RNLS: variants seen among roughly 807,000 people sequenced by gnomAD.
The protein encoded by RNLS is renalase, FAD dependent amine oxidase.
RNLS carries 39 observed loss-of-function variants against 39.8 expected under a neutral mutation model. That is an observed-to-expected ratio of 0.98 (90% confidence interval 0.76 to 1.28). The LOEUF is 1.28. Ranked by LOEUF, RNLS falls within the 50% of genes most tolerant of loss-of-function variation. The probability of loss-of-function intolerance (pLI) is 0.00; values close to 1 mark genes in which losing one functional copy is unlikely to be tolerated. For synonymous variants in RNLS, 147 were observed against 150.7 expected (o/e 0.98, Z 0.18); for missense variants, 410 against 413.3 (o/e 0.99, Z 0.07).
the RNLS span, among the ~76,000 whole-genome samples, chr10:88,206,349 G>T: frequency 1.3e-5 from 2 of 152,118 alleles, no homozygotes; most frequent in African/African-American, 4.8e-5. Context: ...GAGGGGCTAA[G>T]AACACTCTTT....
chr10:88,472,892 T>C (rs376830985), intron 4 of RNLS, among the ~76,000 whole-genome samples: 32 of 152,184 alleles, frequency 2.1e-4, no homozygotes, highest in African/African-American at 6.8e-4. Context: ...TAATTATGGG[T>C]CCCAGAAAAT....
At chr10:88,342,093 T>G (rs1023108891) in intron 5 of RNLS, among the ~76,000 whole-genome samples, 1 of 152,174 alleles carries the variant, frequency 6.6e-6, no homozygotes, top group African/African-American at 2.4e-5. Context: ...GAAAGTAAAG[T>G]GTATCAACCT....
rs1032197139 is a variant in RNLS at position 88,565,874 on chromosome 10, T to C, written c.526+7029A>G. ...AAGCGATTCTCCTGCCTCAGCCTCC[T>C]GAGTAGCTGGGACTACAGGCGCACT... On this transcript the variant is annotated intron_variant, in intron 4 of 6. Coordinates refer to ENST00000331772, the MANE Select transcript of RNLS (RefSeq NM_001031709.3). Among the ~76,000 whole-genome samples, 3 of 150,780 alleles carry C rather than the reference T, an allele frequency of 2.0e-5. No homozygotes were observed. In the South Asian group the frequency reaches 6.3e-4, roughly 32 times the overall value.
chr10:88,220,487 T>G, the RNLS span, among the ~76,000 whole-genome samples: 1 of 152,242 alleles, frequency 6.6e-6, no homozygotes, highest in African/African-American at 2.4e-5. Flanking sequence ...ACTTTATTAT[T>G]AAATGACATC....
chr10:88,537,647 C>CAA (rs201494971), intron 4 of RNLS, among the ~76,000 whole-genome samples: 1 of 151,296 alleles, frequency 6.6e-6, no homozygotes, highest in Non-Finnish European at 1.5e-5. Context: ...CAAAAACAGG[C>CAA]AAAAAAAACA....
In RNLS at chr10:88,396,659, T is replaced by A. The variant is rs1157104525; in HGVS notation, c.527-33934A>T. 2.0e-5 allele frequency among the ~76,000 whole-genome samples: 3 copies of A among 150,340 alleles called. No homozygotes were observed. The Admixed American group carries it at 2.0e-4, about 10-fold the overall frequency. Reference sequence around the variant, plus strand: ...ATCTTATCAGGAATTACATTAAATGTAAATTAATTAAACGCTGATTTAAGG... The same window carrying A: ...ATCTTATCAGGAATTACATTAAATGAAAATTAATTAAACGCTGATTTAAGG... On this transcript the variant is annotated intron_variant, in intron 4 of 6. Coordinates refer to ENST00000331772, the MANE Select transcript of RNLS (RefSeq NM_001031709.3).
At chr10:88,422,676 T>C (rs1199479002) in intron 4 of RNLS, among the ~76,000 whole-genome samples, 1 of 152,128 alleles carries the variant, frequency 6.6e-6, no homozygotes, top group Non-Finnish European at 1.5e-5. Context: ...AAAGATAAGA[T>C]TAAGAAAAAG....
chr10:88,178,509 T>A, the RNLS span, among the ~76,000 whole-genome samples: 1 of 152,140 alleles, frequency 6.6e-6, no homozygotes, highest in Non-Finnish European at 1.5e-5. Context: ...TTTCTGGAGA[T>A]CTTCTGCTTA....
At chr10:88,451,151 T>A in intron 4 of RNLS, among the ~76,000 whole-genome samples, 1 of 152,112 alleles carries the variant, frequency 6.6e-6, no homozygotes, top group East Asian at 1.9e-4. Flanking sequence ...ACTTAAGCAG[T>A]CTGAGTGGCA....
chr10:88,207,990 T>C, the RNLS span, among the ~76,000 whole-genome samples: 3 of 152,174 alleles, frequency 2.0e-5, no homozygotes, highest in African/African-American at 7.2e-5. Context: ...GGTCATCGTC[T>C]CTTCTCAGGC....
chr10:88,569,194 T>C (rs12784792), intron 4 of RNLS, among the ~76,000 whole-genome samples: 10,427 of 152,252 alleles, frequency 0.068, 366 homozygotes, highest in Middle Eastern at 0.092. Flanking sequence ...TTTTAACCTT[T>C]GTTAAGGAAA....
At chr10:88,495,366 G>T (rs557074719) in intron 4 of RNLS, among the ~76,000 whole-genome samples, 1 of 152,094 alleles carries the variant, frequency 6.6e-6, no homozygotes, top group Non-Finnish European at 1.5e-5. Flanking sequence ...AGGGAGGGGG[G>T]ATCATTAGAT....
chr10:88,293,246 A>G (rs975491914), intron 6 of RNLS, among the ~76,000 whole-genome samples: 1 of 152,206 alleles, frequency 6.6e-6, no homozygotes, highest in East Asian at 1.9e-4. Flanking sequence ...GGTATTGACC[A>G]TACTGGCAAT....
At chr10:88,562,210 A>G (rs771819534) in intron 4 of RNLS, among the ~76,000 whole-genome samples, 25 of 152,156 alleles carry the variant, frequency 1.6e-4, no homozygotes, top group Non-Finnish European at 3.1e-4. Context: ...TAAGAGCATC[A>G]GTTTATAAGA....
chr10:88,338,793 C>T lies in RNLS; in HGVS notation c.700+23759G>A, dbSNP rs376221468. 8.0e-4 allele frequency among the ~76,000 whole-genome samples: 106 copies of T among 132,246 alleles called. 1 individual carries two copies. The East Asian group carries it at 0.022, about 28-fold the overall frequency. The allele number at this position is 132,246 out of a possible 152,430, so 86.8% of individuals were successfully genotyped here. Reference sequence around the variant, plus strand: ...TTTTTTTTTTTTTGAGACGGAGTCTCGCTCTGTTGCCAGGCTGGAGTGCAG... The same window carrying T: ...TTTTTTTTTTTTTGAGACGGAGTCTTGCTCTGTTGCCAGGCTGGAGTGCAG... On this transcript the variant is annotated intron_variant, in intron 5 of 6. Coordinates refer to ENST00000331772, the MANE Select transcript of RNLS (RefSeq NM_001031709.3).
chr10:88,320,959 C>T (rs1846142776), intron 5 of RNLS, among the ~76,000 whole-genome samples: 1 of 150,718 alleles, frequency 6.6e-6, no homozygotes, highest in Admixed American at 6.6e-5. Context: ...ACCCAGTAAA[C>T]ACCACAGAAC....
At chr10:88,509,438 A>T (rs1308434355) in intron 4 of RNLS, among the ~76,000 whole-genome samples, 1 of 113,894 alleles carries the variant, frequency 8.8e-6, no homozygotes, top group African/African-American at 2.9e-5. Flanking sequence ...GAAAGGAAAT[A>T]AGAGAGAGAG....
At chr10:88,422,387 T>C (rs1854461359) in intron 4 of RNLS, among the ~76,000 whole-genome samples, 1 of 152,206 alleles carries the variant, frequency 6.6e-6, no homozygotes, top group Non-Finnish European at 1.5e-5. Context: ...AACCAATCTA[T>C]ACCTTATAGC....
At chr10:88,193,408 A>G in the RNLS span, among the ~76,000 whole-genome samples, 1 of 152,064 alleles carries the variant, frequency 6.6e-6, no homozygotes, top group East Asian at 1.9e-4. Context: ...AACCTTCCCA[A>G]ACGGGGTCAA....
Sources: allele counts gnomAD v4.1 joint callset (sites outside exome capture counted in the v4.1 genomes callset), GRCh38; gene constraint gnomAD v4.1.1; transcripts MANE v1.5; gene names NCBI Gene and HGNC (gene_info 2026-07-23, HGNC 2026-07-21).